The following PRKCB variants were observed in gnomAD, a reference collection of about 807,000 sequenced individuals.
The protein encoded by PRKCB is protein kinase C beta type.
A neutral mutation model predicts 81.5 loss-of-function variants in PRKCB; 13 were observed. The observed-to-expected ratio is 0.16, with a 90% CI of 0.10 to 0.25. PRKCB has a LOEUF of 0.25. PRKCB is among the 10% of genes least tolerant of loss of function. The pLI is 1.00. For missense variants in PRKCB, 509 were observed against 875.7 expected (o/e 0.58, Z 5.29); for synonymous variants, 335 against 321.4 (o/e 1.04, Z -0.45).
intron 2 of PRKCB, among the ~76,000 whole-genome samples, chr16:23,924,187 C>A (rs970120135): frequency 2.0e-5 from 3 of 150,650 alleles, no homozygotes; most frequent in Admixed American, 6.7e-5. Context: ...TTATAAGGGG[C>A]TCCTCCCCCT....
At chr16:24,193,467 A>ATAAAT (rs1567408531) in intron 16 of PRKCB, among the ~76,000 whole-genome samples, 1 of 112,980 alleles carries the variant, frequency 8.9e-6, no homozygotes, top group Non-Finnish European at 2.1e-5. Flanking sequence ...AAATAAATAA[A>ATAAAT]TAAATAAATA....
intron 2 of PRKCB, among the ~76,000 whole-genome samples, chr16:23,985,545 G>A (rs1964793079): frequency 6.6e-6 from 1 of 152,148 alleles, no homozygotes; most frequent in Non-Finnish European, 1.5e-5. Flanking sequence ...TCAACAAGGG[G>A]ACAATCATTT....
intron 2 of PRKCB, among the ~76,000 whole-genome samples, chr16:23,938,162 A>G (rs1407185314): frequency 6.6e-6 from 1 of 152,234 alleles, no homozygotes; most frequent in African/African-American, 2.4e-5. Context: ...TCTGGCAGAC[A>G]CAGGGCCTGG....
At chr16:24,021,357 C>T (rs28657407) in intron 3 of PRKCB, among the ~76,000 whole-genome samples, 67 of 72,416 alleles carry the variant, frequency 9.3e-4, no homozygotes, top group Non-Finnish European at 1.4e-3. Context: ...CTTCCTTCCT[C>T]CTTCCCTCCC....
At chr16:24,044,128 G>A (rs1415657415) in intron 5 of PRKCB, among the ~76,000 whole-genome samples, 2 of 152,146 alleles carry the variant, frequency 1.3e-5, no homozygotes, top group Non-Finnish European at 2.9e-5. Flanking sequence ...GCTGAGGAGG[G>A]TGGATCACTT....
intron 2 of PRKCB, among the ~76,000 whole-genome samples, chr16:23,937,315 C>T (rs571309947): frequency 1.6e-4 from 24 of 152,294 alleles, no homozygotes; most frequent in South Asian, 1.2e-3. Flanking sequence ...AGAACAATGC[C>T]GTGAGAGGAC....
At chr16:24,127,559 A>G (rs1351567761) in intron 9 of PRKCB, among the ~76,000 whole-genome samples, 1 of 151,728 alleles carries the variant, frequency 6.6e-6, no homozygotes, top group Admixed American at 6.5e-5. Context: ...TTGATCACTT[A>G]ACAAAACAGA....
intron 5 of PRKCB, among the ~76,000 whole-genome samples, chr16:24,078,965 G>A (rs1966215283): frequency 6.6e-6 from 1 of 152,180 alleles, no homozygotes; most frequent in Admixed American, 6.5e-5. Flanking sequence ...GCATGGTTTT[G>A]GTGTCAGGCC....
intron 2 of PRKCB, among the ~76,000 whole-genome samples, chr16:23,844,357 A>ATTT (rs1429077885): frequency 3.9e-5 from 6 of 152,140 alleles, no homozygotes; most frequent in African/African-American, 1.4e-4. Flanking sequence ...CTGCTTGAAA[A>ATTT]TCCAGTAGGA....
intron 3 of PRKCB, among the ~76,000 whole-genome samples, chr16:24,020,976 T>TTTC (rs1195937545): frequency 0.031 from 2,984 of 96,736 alleles, 66 homozygotes; most frequent in African/African-American, 0.033. Context: ...AGACTTTTCT[T>TTTC]TTTCTTTCTT....
chr16:24,023,042 G>A (rs7205460), intron 3 of PRKCB, among the ~76,000 whole-genome samples: 87,849 of 151,844 alleles, frequency 0.58, 25,842 homozygotes, highest in South Asian at 0.78. Flanking sequence ...ACTAGGGGAG[G>A]GATTGAGGCA....
At chr16:24,194,377 C>A (rs1287472040) in intron 16 of PRKCB, among the ~76,000 whole-genome samples, 7 of 151,932 alleles carry the variant, frequency 4.6e-5, no homozygotes, top group African/African-American at 1.4e-4. Flanking sequence ...AAAAACCTCA[C>A]AATTTCTTTT....
At chr16:23,918,401 AT>A (rs772297307) in intron 2 of PRKCB, among the ~76,000 whole-genome samples, 19 of 150,816 alleles carry the variant, frequency 1.3e-4, no homozygotes, top group Admixed American at 3.3e-4. Flanking sequence ...TATTATTATT[AT>A]TTTTTTTTTT....
At chr16:24,200,861 A>C (rs1967946887) in intron 16 of PRKCB, among the ~76,000 whole-genome samples, 1 of 152,182 alleles carries the variant, frequency 6.6e-6, no homozygotes, top group South Asian at 2.1e-4. Context: ...TGGCGGGGCA[A>C]GTCAACCATA....
At chr16:24,053,938 A>G (rs1452566701) in intron 5 of PRKCB, among the ~76,000 whole-genome samples, 1 of 152,166 alleles carries the variant, frequency 6.6e-6, no homozygotes, top group Non-Finnish European at 1.5e-5. Flanking sequence ...GGAATCCATT[A>G]TTGTGACTCT....
intron 2 of PRKCB, among the ~76,000 whole-genome samples, chr16:23,934,533 T>G (rs1295340085): frequency 9.9e-5 from 15 of 152,210 alleles, no homozygotes. Context: ...ATTCTTTATT[T>G]TTTGATTCTT....
intron 5 of PRKCB, among the ~76,000 whole-genome samples, chr16:24,039,974 G>A (rs1965679364): frequency 6.6e-6 from 1 of 152,128 alleles, no homozygotes; most frequent in African/African-American, 2.4e-5. Flanking sequence ...TTGTGGAATG[G>A]CCCCACCTCA....
chr16:23,872,117 GC>G (rs1962915569), intron 2 of PRKCB, among the ~76,000 whole-genome samples: 1 of 152,108 alleles, frequency 6.6e-6, no homozygotes, highest in Admixed American at 6.5e-5. Context: ...CTTGGTGCCA[GC>G]AGCCACCCCA....
At chr16:23,924,542 T>C (rs1187535710) in intron 2 of PRKCB, among the ~76,000 whole-genome samples, 3 of 152,100 alleles carry the variant, frequency 2.0e-5, no homozygotes, top group African/African-American at 7.2e-5. Context: ...ATCTAGTTTC[T>C]GTTTCCTCTT....
Sources: allele counts gnomAD v4.1 joint callset (sites outside exome capture counted in the v4.1 genomes callset), GRCh38; gene constraint gnomAD v4.1.1; transcripts MANE v1.5; gene names NCBI Gene and HGNC (gene_info 2026-07-23, HGNC 2026-07-21).